The following TBXAS1 variants were observed in gnomAD, a reference collection of about 807,000 sequenced individuals.
TBXAS1 encodes thromboxane A synthase 1.
TBXAS1 carries 48 observed loss-of-function variants against 60.7 expected under a neutral mutation model. The ratio of observed to expected loss-of-function variants is 0.79; its 90% CI spans 0.63 to 1.01. The LOEUF is 1.01. Among genes scored for constraint, TBXAS1 ranks in the 50% least tolerant of loss-of-function variants. The pLI, the probability that TBXAS1 is intolerant of heterozygous loss-of-function variation, is 0.00. For missense variants in TBXAS1, 685 were observed against 686.3 expected, an observed-to-expected ratio of 1.00 and a Z score of 0.02; for synonymous variants, 287 against 269.7, an observed-to-expected ratio of 1.06 and a Z score of -0.63.
At chr7:139,987,575 A>G (rs1207949948) in intron 9 of TBXAS1, among the ~76,000 whole-genome samples, 1 of 152,162 alleles carries the variant, frequency 6.6e-6, no homozygotes, top group African/African-American at 2.4e-5. Flanking sequence ...AGCACCACGC[A>G]TGTCCCATCT....
chr7:140,010,582 T>C (rs1814531325), intron 10 of TBXAS1, among the ~76,000 whole-genome samples: 1 of 152,214 alleles, frequency 6.6e-6, no homozygotes, highest in African/African-American at 2.4e-5. Flanking sequence ...AACAGCTTCA[T>C]CTGACCCCTT....
intron 3 of TBXAS1, among the ~76,000 whole-genome samples, chr7:139,901,224 A>G (rs1474909620): frequency 1.3e-5 from 2 of 152,148 alleles, no homozygotes; most frequent in African/African-American, 2.4e-5. Context: ...CACAATTTAC[A>G]TGTAAAATGG....
chr7:139,989,145 T>C (rs976215496), intron 9 of TBXAS1, among the ~76,000 whole-genome samples: 1 of 152,212 alleles, frequency 6.6e-6, no homozygotes, highest in Non-Finnish European at 1.5e-5. Context: ...CTGAGCTCTT[T>C]TCCAGAAACT....
At chr7:139,899,849 G>A (rs190297204) in intron 3 of TBXAS1, among the ~76,000 whole-genome samples, 3 of 152,240 alleles carry the variant, frequency 2.0e-5, no homozygotes, top group Admixed American at 2.0e-4. Flanking sequence ...CAGGCCACCC[G>A]AGCTAAGAGC....
In TBXAS1 at chr7:139,962,160, C is replaced by G. The variant is rs757474682; in HGVS notation, c.1061C>G (p.Thr354Ser). The change falls in exon 9 of 13, where the codon ACC (threonine) becomes AGC (serine). Residue 354 changes from threonine to serine, a missense_variant. Thr to Ser is a moderately conservative substitution (Grantham distance 58). Coordinates refer to ENST00000448866, the MANE Select transcript of TBXAS1 (RefSeq NM_001061.7). ...EIITNTLSFATYLLATNPDCQ... is the reference protein window; with the variant it reads ...EIITNTLSFASYLLATNPDCQ... ...ATCACCAACACACTTTCTTTTGCCA[C>G]CTACCTACTGGCCACCAACCCTGAC... The G allele has an allele frequency of 1.2e-6, 2 of 1,614,164 alleles. No individual in the cohort carries two copies. The highest frequency in any genetic ancestry group is 3.3e-5 in the Admixed American group (2 of 60,026).
chr7:139,955,312 C>G (rs1363503659), intron 6 of TBXAS1, 147 bp from the exon 7 acceptor site: 4 of 1,059,454 alleles, frequency 3.8e-6, no homozygotes, highest in Admixed American at 1.8e-5. Flanking sequence ...CACCTCCCCC[C>G]AGATCTGCAG....
intron 4 of TBXAS1, among the ~76,000 whole-genome samples, chr7:139,801,613 G>C (rs1459632331): frequency 1.3e-5 from 2 of 150,782 alleles, no homozygotes; most frequent in Non-Finnish European, 3.0e-5. Flanking sequence ...GGGACCACAG[G>C]CACTTGCTAC....
At chr7:139,900,394 A>C (rs369179804) in intron 3 of TBXAS1, among the ~76,000 whole-genome samples, 1 of 152,262 alleles carries the variant, frequency 6.6e-6, no homozygotes, top group South Asian at 2.1e-4. Context: ...GTTGCATATT[A>C]ATCTCCAGGA....
At chr7:139,787,660 G>A (rs1037806036) in intron 4 of TBXAS1, among the ~76,000 whole-genome samples, 3 of 152,052 alleles carry the variant, frequency 2.0e-5, no homozygotes, top group African/African-American at 7.2e-5. Flanking sequence ...AGAAACTCAG[G>A]TCCAAAGGGC....
intron 4 of TBXAS1, among the ~76,000 whole-genome samples, chr7:139,926,061 A>C (rs1806852775): frequency 6.6e-6 from 1 of 152,074 alleles, no homozygotes; most frequent in Non-Finnish European, 1.5e-5. Context: ...TTTTTGCATC[A>C]GTGTTCTTCA....
rs533011595 is a variant in TBXAS1, at chr7:139,960,693, C to T, written c.820-1226C>T. On this transcript the variant is annotated intron_variant, in intron 8 of 12. Transcript: ENST00000448866. Reference sequence around the variant, plus strand: ...CCTGGGAGGTGGAGGTTGCAGTGAGCCAAGATCACACCATTGTACTCCAGC... The same window carrying T: ...CCTGGGAGGTGGAGGTTGCAGTGAGTCAAGATCACACCATTGTACTCCAGC... Among the ~76,000 whole-genome samples, 3 of 150,640 alleles carry T rather than the reference C, an allele frequency of 2.0e-5. No homozygotes were observed. The East Asian group carries it at 5.9e-4, about 29-fold the overall frequency.
intron 9 of TBXAS1, among the ~76,000 whole-genome samples, chr7:139,989,389 G>T (rs1812731041): frequency 6.6e-6 from 1 of 152,224 alleles, no homozygotes; most frequent in African/African-American, 2.4e-5. Flanking sequence ...GAGGCTCAGA[G>T]AGGGCTGAAG....
intron 3 of TBXAS1, among the ~76,000 whole-genome samples, chr7:139,887,297 T>C (rs920459774): frequency 6.6e-6 from 1 of 152,234 alleles, no homozygotes; most frequent in African/African-American, 2.4e-5. Flanking sequence ...TGTACTCTCC[T>C]ATTTTTCATT....
chr7:139,988,085 C>T (rs1812633785), intron 9 of TBXAS1, among the ~76,000 whole-genome samples: 1 of 152,252 alleles, frequency 6.6e-6, no homozygotes, highest in African/African-American at 2.4e-5. Flanking sequence ...CCTGTCCCAG[C>T]AGGACGCCAG....
intron 1 of TBXAS1, among the ~76,000 whole-genome samples, chr7:139,858,496 A>G (rs1800737982): frequency 6.6e-6 from 1 of 152,322 alleles, no homozygotes; most frequent in South Asian, 2.1e-4. Context: ...CTTAGCCACA[A>G]TGATCATAAT....
At chr7:139,795,670 T>A (rs1797546347) in intron 4 of TBXAS1, among the ~76,000 whole-genome samples, 1 of 151,526 alleles carries the variant, frequency 6.6e-6, no homozygotes, top group African/African-American at 2.4e-5. Context: ...AAGTCTTTAA[T>A]CCATCTTGAA....
chr7:139,803,576 G>C (rs533312592), intron 4 of TBXAS1, among the ~76,000 whole-genome samples: 8 of 152,188 alleles, frequency 5.3e-5, no homozygotes, highest in Non-Finnish European at 1.0e-4. Context: ...AATGTCTCCA[G>C]GGTATGTCAG....
chr7:139,996,105 A>G (rs1164807989), intron 9 of TBXAS1, among the ~76,000 whole-genome samples: 1 of 150,822 alleles, frequency 6.6e-6, no homozygotes, highest in Non-Finnish European at 1.5e-5. Flanking sequence ...AGTAGCTGGG[A>G]TTACAGGTGC....
intron 9 of TBXAS1, among the ~76,000 whole-genome samples, chr7:139,964,245 C>T (rs904763295): frequency 2.6e-5 from 4 of 152,204 alleles, no homozygotes; most frequent in Admixed American, 1.3e-4. Context: ...ACCACCACAA[C>T]TGGCTAATTT....
Sources: gnomAD v4.1 joint callset for allele counts (sites outside exome capture counted in the v4.1 genomes callset) on GRCh38, gnomAD v4.1.1 for gene constraint, MANE v1.5 for transcripts, NCBI Gene and HGNC (gene_info 2026-07-23, HGNC 2026-07-21) for gene names.